Variants in MYPOP observed in about 807,000 individuals in gnomAD.
MYPOP encodes myb-related transcription factor, partner of profilin.
A neutral mutation model predicts 25.7 loss-of-function variants in MYPOP; 21 were observed. That is an observed-to-expected ratio of 0.82 (90% CI 0.58 to 1.18). The LOEUF (loss-of-function observed/expected upper bound fraction) is 1.18. Ranked by LOEUF, MYPOP falls within the 50% of genes most tolerant of loss-of-function variation. MYPOP has a pLI of 0.00. For missense variants in MYPOP, 566 were observed against 588.3 expected (o/e 0.96, Z 0.39); for synonymous variants, 280 against 247.9 (o/e 1.13, Z -1.22).
Position 45,901,637 on chromosome 19 carries a change from C to G in MYPOP, c.137G>C (p.Arg46Pro). 1.9e-6 allele frequency: 3 copies of G among 1,610,614 alleles called. No homozygotes were observed. Among genetic ancestry groups the G allele is most frequent in the Non-Finnish European group, 2.5e-6 (3 of 1,179,300 alleles). ...YPQLYGAQSR[R>P]VSVAERRRVW... ...GCGCCGCCGCTCTGCCACGCTCACCCGACGGCTCTGCGCGCCGTAGAGCTG... is the reference window on the plus strand; with the variant it reads ...GCGCCGCCGCTCTGCCACGCTCACCGGACGGCTCTGCGCGCCGTAGAGCTG... The change falls in exon 2 of 3, where the codon CGG becomes CCG. Residue 46 changes from arginine to proline, a missense_variant. Transcript: ENST00000322217. The surrounding 1 kb of genome is among the most constrained non-coding windows in gnomAD (Gnocchi z 5.7).
chr19:45,897,207 CAT>C (rs1391847277), intron 2 of MYPOP, among the ~76,000 whole-genome samples: 1 of 151,918 alleles, frequency 6.6e-6, no homozygotes, highest in Non-Finnish European at 1.5e-5. Context: ...GAATTATAGG[CAT>C]ATGCCACCAT....
In MYPOP at chr19:45,890,699, G is replaced by A. The variant is rs1345284604; in HGVS notation, c.1124C>T (p.Pro375Leu). ...APRPPPAPLPPHDSPPHKRRK... is the reference protein window; with the variant it reads ...APRPPPAPLPLHDSPPHKRRK... Reference sequence around the variant, plus strand: ...CCGCTTGTGTGGGGGGGAGTCGTGCGGAGGGAGCGGGGCTGGGGGGGGCCG... The same window carrying A: ...CCGCTTGTGTGGGGGGGAGTCGTGCAGAGGGAGCGGGGCTGGGGGGGGCCG... Residue 375 changes from proline to leucine, a missense_variant, in exon 3 of 3, where the codon CCG (proline) becomes CTG (leucine). Coordinates refer to ENST00000322217, the MANE Select transcript of MYPOP (RefSeq NM_001012643.4). The A allele has an allele frequency of 1.7e-5, 27 of 1,599,040 alleles. No individual in the cohort carries two copies. Among genetic ancestry groups the A allele is most frequent in the Middle Eastern group, 1.7e-4 (1 of 6,016 alleles).
At chr19:45,899,095 G>A (rs1436413956) in intron 2 of MYPOP, among the ~76,000 whole-genome samples, 5 of 152,150 alleles carry the variant, frequency 3.3e-5, no homozygotes, top group African/African-American at 1.2e-4. Context: ...GCATGGTGGC[G>A]CATGCCTGTA....
chr19:45,900,591 C>T (rs967496411), intron 2 of MYPOP, among the ~76,000 whole-genome samples: 5 of 152,114 alleles, frequency 3.3e-5, no homozygotes, highest in African/African-American at 1.2e-4. Context: ...TGTCCCCAAC[C>T]TCATCGAGCA....
intron 2 of MYPOP, among the ~76,000 whole-genome samples, chr19:45,891,551 C>T (rs960108982): frequency 2.0e-5 from 3 of 151,992 alleles, no homozygotes; most frequent in African/African-American, 7.3e-5. Context: ...ATTATCCTGC[C>T]TCAGCCTCCC....
rs745820262 is a variant in MYPOP, at chr19:45,890,729, G to T, written c.1094C>A (p.Ala365Glu). 5.7e-6 allele frequency: 9 copies of T among 1,577,596 alleles called. No individual in the cohort carries two copies. In the African/African-American group the frequency reaches 1.2e-4, roughly 21 times the overall value. Residue 365 changes from alanine (A) to glutamate (E), a missense_variant, in exon 3 of 3, where the codon GCA (alanine) becomes GAA (glutamate). By Grantham distance (107) the Ala-to-Glu change is moderately radical (BLOSUM62 -1). Coordinates refer to ENST00000322217, the MANE Select transcript of MYPOP (RefSeq NM_001012643.4). ...GAGCGGGGCTGGGGGGGGCCGGGGT[G>T]CCCCCTCCTCGCTCCTTGGGGCAAT... ...VIIAPRSEEG[A>E]PRPPPAPLPP...
In MYPOP at chr19:45,901,336, G is replaced by C. The variant is rs369289562; in HGVS notation, c.438C>G (p.Pro146=). 1.4e-3 allele frequency: 2,074 copies of C among 1,458,948 alleles called. 28 individuals are homozygous for C. The African/African-American group carries it at 0.024, about 17-fold the overall frequency. The allele number at this position is 1,458,948 out of a possible 1,614,324, so 90.4% of individuals were successfully genotyped here. A position where few individuals can be genotyped will look rare whatever the true frequency, so the allele number is the denominator to read the frequency against. Reference sequence around the variant, plus strand: ...CGTAGCGCTGAGGGCAGGCGCTTGGGGGCGGCGGCTGTGAAGAGGGGGCCG... The same window carrying C: ...CGTAGCGCTGAGGGCAGGCGCTTGGCGGCGGCGGCTGTGAAGAGGGGGCCG... ...PPAAPSSQPP[P]PSACPQRYVL... Residue 146 remains proline (P), a synonymous_variant, in exon 2 of 3, where the codon CCC becomes CCG. Transcript: ENST00000322217. The surrounding 1 kb of genome is among the most constrained non-coding windows in gnomAD (Gnocchi z 5.7).
rs1379269719 is a variant in MYPOP at position 45,890,469 on chromosome 19, C to G, written c.*154G>C. Reference sequence around the variant, plus strand: ...GGGGGGCCCATTACTGAGGCCCCCCCCAGAGAATCAGGCACTAACTAGCAC... The same window carrying G: ...GGGGGGCCCATTACTGAGGCCCCCCGCAGAGAATCAGGCACTAACTAGCAC... On this transcript the variant is annotated 3_prime_UTR_variant, in exon 3 of 3. Transcript: ENST00000322217. The G allele has an allele frequency of 3.1e-6, 4 of 1,299,152 alleles. No individual in the cohort carries two copies. Among genetic ancestry groups the G allele is most frequent in the East Asian group, 5.5e-5 (2 of 36,532 alleles). 80.5% of individuals were successfully genotyped at this position (1,299,152 alleles called of 1,614,324 possible).
At position 45,890,643 on chromosome 19, in the gene MYPOP, C is replaced by G. The variant is rs765892540; in HGVS notation, c.1180G>C (p.Gly394Arg). 5 of 1,610,236 alleles carry G rather than the reference C, an allele frequency of 3.1e-6. No individual in the cohort carries two copies. The highest frequency in any genetic ancestry group is 1.7e-5 in the Admixed American group (1 of 59,606). The stretch of plus-strand genomic sequence containing the variant: ...AGATTTCACGGAGATTTCCATCGGC[C>G]GCGCCTTTTCCGTGTAGGGAAACCT... ...RKGFPTRKRR[G>R]RWKSP is the part of the protein sequence containing the mutation. The change falls in exon 3 of 3, where the codon GGC becomes CGC. Residue 394 changes from glycine to arginine, a missense_variant. Transcript: ENST00000322217.
Position 45,901,574 on chromosome 19 carries a change from G to A in MYPOP, c.200C>T (p.Thr67Ile). The A allele has an allele frequency of 4.3e-6, 7 of 1,612,168 alleles. No individual in the cohort carries two copies. Among genetic ancestry groups the A allele is most frequent in the Non-Finnish European group, 5.9e-6 (7 of 1,179,646 alleles). The change falls in exon 2 of 3, where the codon ACC becomes ATC. Residue 67 changes from threonine to isoleucine, a missense_variant. Transcript: ENST00000322217. This position sits in a 1 kb window ranked among gnomAD's most constrained non-coding sequence, Gnocchi z 5.7. ...DGIAAKINGI[T>I]SWKRTGQEVQ... Reference sequence around the variant, plus strand: ...CTCCTGGCCCGTGCGCTTCCAGCTGGTGATACCGTTGATCTTGGCGGCGAT... The same window carrying A: ...CTCCTGGCCCGTGCGCTTCCAGCTGATGATACCGTTGATCTTGGCGGCGAT...
intron 2 of MYPOP, among the ~76,000 whole-genome samples, chr19:45,893,045 G>A (rs901758815): frequency 1.5e-4 from 23 of 152,050 alleles, no homozygotes; most frequent in African/African-American, 4.8e-4. Flanking sequence ...AGGCCGAGGC[G>A]GGTGGATCAC....
rs1003091778 is a variant in MYPOP at position 45,901,467 on chromosome 19, G to A, written c.307C>T (p.Pro103Ser). ...GCGGAGAAAGCGTCCTCCGCGGCGG[G>A]CCCGGCGCCCTGCGTGGAGTGCGGC... ...RVPHSTQGAG[P>S]AAEDAFSAEE... The change falls in exon 2 of 3, where the codon CCC becomes TCC. Residue 103 changes from proline to serine, a missense_variant. Pro to Ser is a moderately conservative substitution (Grantham distance 74, BLOSUM62 -1). Transcript: ENST00000322217. The surrounding 1 kb of genome is among the most constrained non-coding windows in gnomAD (Gnocchi z 5.7). 5.0e-6 allele frequency: 8 copies of A among 1,601,920 alleles called. No homozygotes were observed. Among genetic ancestry groups the A allele is most frequent in the Non-Finnish European group, 6.8e-6 (8 of 1,174,608 alleles).
intron 2 of MYPOP, among the ~76,000 whole-genome samples, chr19:45,893,450 C>T (rs572096551): frequency 2.6e-5 from 4 of 151,476 alleles, no homozygotes; most frequent in African/African-American, 9.7e-5. Flanking sequence ...TGCCTGTAAT[C>T]CCAGCTACTC....
intron 2 of MYPOP, among the ~76,000 whole-genome samples, chr19:45,897,768 CT>C (rs748214152): frequency 3.0e-4 from 45 of 151,948 alleles, no homozygotes; most frequent in Non-Finnish European, 6.3e-4. Flanking sequence ...GTTGCCCAGG[CT>C]GGTCTTGCCC....
chr19:45,891,121 G>A lies in MYPOP; in HGVS notation c.702C>T (p.Ala234=). The A allele has an allele frequency of 6.8e-7, 1 of 1,467,884 alleles. No homozygotes were observed. The highest frequency in any genetic ancestry group is 9.0e-7 in the Non-Finnish European group (1 of 1,105,286). The allele number at this position is 1,467,884 out of a possible 1,614,324, so 90.9% of individuals were successfully genotyped here. Residue 234 remains alanine (A), a synonymous_variant, in exon 3 of 3, where the codon GCC becomes GCT. Coordinates refer to ENST00000322217, the MANE Select transcript of MYPOP (RefSeq NM_001012643.4). ...GGCTAGGGGGTGAGGGTGCCACTTG[G>A]GCCAGTGGCGGTGGGGGTGGCAGTG... is the stretch of plus-strand genomic sequence containing the variant. ...APPLPPPPPL[A]QVAPSPPSPP...
chr19:45,893,666 A>C (rs911344704), intron 2 of MYPOP, among the ~76,000 whole-genome samples: 6 of 151,174 alleles, frequency 4.0e-5, no homozygotes, highest in African/African-American at 1.2e-4. Flanking sequence ...GAGATTGGGG[A>C]TGGCTAAGAG....
Position 45,901,950 on chromosome 19 carries a change from G to A in MYPOP, c.-52-125C>T, listed in dbSNP as rs1280740550. The stretch of plus-strand genomic sequence containing the variant: ...AGGAGTGGGGGCGGGGGGCGGGCGG[G>A]GGCGACGGGCACCCGGGTAAGTCGG... On this transcript the variant is annotated intron_variant, in intron 1 of 2. Transcript: ENST00000322217. This position sits in a 1 kb window ranked among gnomAD's most constrained non-coding sequence, Gnocchi z 5.7. The A allele has an allele frequency of 2.4e-6, 1 of 423,238 alleles. No homozygotes were observed. The highest frequency in any genetic ancestry group is 3.9e-6 in the Non-Finnish European group (1 of 258,942). The allele number at this position is 423,238 out of a possible 1,614,324, so 26.2% of individuals were successfully genotyped here. A position where few individuals can be genotyped will look rare whatever the true frequency, so the allele number is the denominator to read the frequency against.
chr19:45,891,540 G>A (rs950032115), intron 2 of MYPOP, among the ~76,000 whole-genome samples: 3 of 151,616 alleles, frequency 2.0e-5, no homozygotes, highest in African/African-American at 7.3e-5. Flanking sequence ...GGGTTCAAGC[G>A]ATTATCCTGC....
chr19:45,898,611 C>T (rs1967242142), intron 2 of MYPOP, among the ~76,000 whole-genome samples: 1 of 152,130 alleles, frequency 6.6e-6, no homozygotes, highest in Non-Finnish European at 1.5e-5. Flanking sequence ...GCGTGAGCCA[C>T]CGTGCCTGGC....
Sources: allele counts gnomAD v4.1 joint callset (sites outside exome capture counted in the v4.1 genomes callset), GRCh38; gene constraint gnomAD v4.1.1; non-coding constraint Gnocchi (gnomAD v3.1); transcripts MANE v1.5; gene names NCBI Gene and HGNC (gene_info 2026-07-23, HGNC 2026-07-21).